Variants in TAF3 observed in about 807,000 individuals in gnomAD.
TAF3 encodes TATA-box binding protein associated factor 3.
In TAF3, 7 loss-of-function variants were observed where a neutral mutation model predicts 80.6. The ratio of observed to expected loss-of-function variants is 0.09; its 90% CI spans 0.05 to 0.16. TAF3 has a LOEUF of 0.16. Among genes scored for constraint, TAF3 ranks in the 10% least tolerant of loss-of-function variants. The pLI is 1.00. For missense variants in TAF3, 921 were observed against 1,140.2 expected (o/e 0.81, Z 2.77); for synonymous variants, 444 against 446.1 (o/e 1.00, Z 0.06).
chr10:7,856,073 G>A (rs1837076416), intron 2 of TAF3, among the ~76,000 whole-genome samples: 1 of 152,192 alleles, frequency 6.6e-6, no homozygotes, highest in Non-Finnish European at 1.5e-5. Flanking sequence ...AGCCACAGAA[G>A]CAGCATTCCA....
intron 2 of TAF3, among the ~76,000 whole-genome samples, chr10:7,906,602 C>T (rs1271864472): frequency 6.6e-6 from 1 of 152,032 alleles, no homozygotes; most frequent in African/African-American, 2.4e-5. Flanking sequence ...ACAAATGTGA[C>T]ACTGACAAAG....
At chr10:7,990,085 G>A (rs1434131667) in intron 4 of TAF3, among the ~76,000 whole-genome samples, 2 of 152,110 alleles carry the variant, frequency 1.3e-5, no homozygotes, top group Admixed American at 6.6e-5. Context: ...AGATTAACTA[G>A]TAGAGCACTT....
intron 2 of TAF3, among the ~76,000 whole-genome samples, chr10:7,956,322 A>G (rs1838135314): frequency 6.6e-6 from 1 of 152,062 alleles, no homozygotes; most frequent in Non-Finnish European, 1.5e-5. Context: ...TCTCATCTCT[A>G]CTAAAAACAA....
intron 4 of TAF3, among the ~76,000 whole-genome samples, chr10:7,979,362 GA>G (rs5783007): frequency 0.61 from 82,619 of 134,670 alleles, 24,467 homozygotes; most frequent in Admixed American, 0.72. Flanking sequence ...AAAAAAAAAT[GA>G]AAAAAAAAAA....
intron 5 of TAF3, among the ~76,000 whole-genome samples, chr10:8,011,412 A>G (rs1331500513): frequency 6.6e-6 from 1 of 151,566 alleles, no homozygotes. Context: ...TGCCACCACA[A>G]CTGGCTGTTT....
chr10:7,967,710 A>G (rs534310960), intron 3 of TAF3, among the ~76,000 whole-genome samples: 2 of 152,358 alleles, frequency 1.3e-5, no homozygotes, highest in Non-Finnish European at 2.9e-5. Context: ...AGGTGTGCTT[A>G]GTACCGTATC....
At chr10:7,844,739 G>A (rs1220121485) in intron 2 of TAF3, among the ~76,000 whole-genome samples, 1 of 151,946 alleles carries the variant, frequency 6.6e-6, no homozygotes, top group Non-Finnish European at 1.5e-5. Flanking sequence ...TTAGCTAGCT[G>A]GATCAGTTAA....
intron 2 of TAF3, among the ~76,000 whole-genome samples, chr10:7,854,340 G>A (rs1837057609): frequency 6.6e-6 from 1 of 152,176 alleles, no homozygotes; most frequent in Non-Finnish European, 1.5e-5. Flanking sequence ...GCCTACGTAA[G>A]ATAACTGGAA....
chr10:7,960,020 C>G (rs1330327508), intron 2 of TAF3, among the ~76,000 whole-genome samples: 1 of 152,114 alleles, frequency 6.6e-6, no homozygotes, highest in Admixed American at 6.6e-5. Context: ...TGAGCTATAT[C>G]CAGATTAGTC....
rs867818255 is a variant in TAF3, at chr10:7,953,728, C to T, written c.410-10192C>T. Among the ~76,000 whole-genome samples the T allele has an allele frequency of 1.1e-4, 16 of 152,330 alleles. No individual in the cohort carries two copies. The Middle Eastern group carries it at 0.01, about 97-fold the overall frequency. The stretch of plus-strand genomic sequence containing the variant: ...ATCATGTCTTATTTGTCTTTGTAGT[C>T]CTAGTTAACACAGAACTTTCCATAG... On this transcript the variant is annotated intron_variant, in intron 2 of 6. Coordinates refer to ENST00000344293, the MANE Select transcript of TAF3 (RefSeq NM_031923.4).
chr10:7,844,291 A>G (rs936066335), intron 2 of TAF3, among the ~76,000 whole-genome samples: 30 of 151,904 alleles, frequency 2.0e-4, no homozygotes, highest in African/African-American at 6.5e-4. Context: ...TTTAAACATT[A>G]TTACTAGAGT....
chr10:7,913,576 C>G (rs1301788899), intron 2 of TAF3, among the ~76,000 whole-genome samples: 1 of 152,186 alleles, frequency 6.6e-6, no homozygotes, highest in Non-Finnish European at 1.5e-5. Flanking sequence ...ATCTGGCAAA[C>G]CTATCTGTAT....
intron 2 of TAF3, among the ~76,000 whole-genome samples, chr10:7,838,632 T>TC (rs1836876964): frequency 6.6e-6 from 1 of 152,186 alleles, no homozygotes; most frequent in East Asian, 1.9e-4. Flanking sequence ...TCCACCCACC[T>TC]AGGCCTCTCA....
At chr10:7,882,168 A>G (rs1424104725) in intron 2 of TAF3, among the ~76,000 whole-genome samples, 2 of 152,194 alleles carry the variant, frequency 1.3e-5, no homozygotes, top group East Asian at 3.9e-4. Context: ...TTCTTATTCA[A>G]ATTTTGGAAG....
chr10:8,004,957 T>C (rs10752124), intron 4 of TAF3, among the ~76,000 whole-genome samples: 84,760 of 152,020 alleles, frequency 0.56, 23,939 homozygotes, highest in African/African-American at 0.63. Flanking sequence ...GGCTATGCTC[T>C]GAAAATTTAT....
chr10:7,871,306 T>C (rs1837262672), intron 2 of TAF3, among the ~76,000 whole-genome samples: 1 of 152,104 alleles, frequency 6.6e-6, no homozygotes, highest in Admixed American at 6.5e-5. Context: ...GCTAAGCATA[T>C]ATTAATTGTT....
chr10:8,007,904 T>C (rs1348104625), intron 4 of TAF3, among the ~76,000 whole-genome samples: 1 of 151,830 alleles, frequency 6.6e-6, no homozygotes, highest in Non-Finnish European at 1.5e-5. Flanking sequence ...GCTGTAGAAT[T>C]TGAACTCAGA....
chr10:7,912,590 T>G (rs956947227), intron 2 of TAF3, among the ~76,000 whole-genome samples: 4 of 152,234 alleles, frequency 2.6e-5, no homozygotes, highest in Admixed American at 1.3e-4. Flanking sequence ...TATAAAAAAC[T>G]ATGATTTTCT....
At chr10:7,966,213 G>T (rs1588569989) in intron 3 of TAF3, among the ~76,000 whole-genome samples, 1 of 152,294 alleles carries the variant, frequency 6.6e-6, no homozygotes, top group Middle Eastern at 3.4e-3. Context: ...TTTCTTTTTG[G>T]TGCGCCATTT....
Sources: allele counts gnomAD v4.1 joint callset (sites outside exome capture counted in the v4.1 genomes callset), GRCh38; gene constraint gnomAD v4.1.1; transcripts MANE v1.5; gene names NCBI Gene and HGNC (gene_info 2026-07-23, HGNC 2026-07-21).